SIN3A: variants seen among roughly 807,000 people sequenced by gnomAD.
SIN3A encodes SIN3 transcription regulator family member A.
In SIN3A, 14 loss-of-function variants were observed where a neutral mutation model predicts 146.1. That is an observed-to-expected ratio of 0.10 (90% CI 0.06 to 0.15). The LOEUF is 0.15. SIN3A is among the 10% of genes least tolerant of loss of function. The probability of loss-of-function intolerance (pLI) is 1.00; values close to 1 mark genes in which losing one functional copy is unlikely to be tolerated. For missense variants in SIN3A, 1,028 were observed against 1,576.0 expected (o/e 0.65, Z 5.89); for synonymous variants, 572 against 572.0 (o/e 1.00, Z 0.00).
chr15:75,443,354 T>G (rs935113957), intron 1 of SIN3A, among the ~76,000 whole-genome samples: 15 of 152,212 alleles, frequency 9.9e-5, no homozygotes, highest in Non-Finnish European at 2.1e-4. Flanking sequence ...TTCACCTAGA[T>G]TCTCCAAATG....
chr15:75,396,422 C>T lies in SIN3A; in HGVS notation c.1929G>A (p.Leu643=). The T allele has an allele frequency of 6.2e-7, 1 of 1,614,126 alleles. No individual in the cohort carries two copies. The highest frequency in any genetic ancestry group is 2.2e-5 in the East Asian group (1 of 44,888). Residue 643 remains leucine, a synonymous_variant, in exon 13 of 21, where the codon TTG becomes TTA. Transcript: ENST00000394947. ...LEAIQKKLSR[L]SAEEQAKFRL... ...GAAATTTGGCTTGTTCTTCAGCAGA[C>T]AAGCGGGAAAGCTTCTTCTGTATTG... is the stretch of plus-strand genomic sequence containing the variant.
intron 3 of SIN3A, among the ~76,000 whole-genome samples, chr15:75,417,583 T>C (rs1285957441): frequency 6.6e-6 from 1 of 152,104 alleles, no homozygotes; most frequent in Non-Finnish European, 1.5e-5. Flanking sequence ...TTCACCATGT[T>C]GGCCAGGCTG....
At chr15:75,380,763 C>T (rs1250243437) in intron 18 of SIN3A, 40 bp from the exon 19 acceptor site, 3 of 1,417,248 alleles carry the variant, frequency 2.1e-6, no homozygotes, top group Non-Finnish European at 3.0e-6. Flanking sequence ...AAGGAAATCA[C>T]AAAAACAGCT....
intron 9 of SIN3A, among the ~76,000 whole-genome samples, chr15:75,403,811 G>T (rs954800388): frequency 1.3e-5 from 2 of 152,160 alleles, no homozygotes; most frequent in African/African-American, 4.8e-5. Context: ...CTCTCAAAGT[G>T]CTGGGATTAC....
chr15:75,440,710 C>T (rs1282367031), intron 1 of SIN3A, among the ~76,000 whole-genome samples: 2 of 151,904 alleles, frequency 1.3e-5, no homozygotes, highest in Non-Finnish European at 2.9e-5. Context: ...GGGTCGGGCG[C>T]GGTGGCTCAT....
intron 1 of SIN3A, chr15:75,447,505 G>A (rs2074328792): frequency 6.6e-6 from 1 of 152,176 alleles, no homozygotes; most frequent in African/African-American, 2.4e-5. Context: ...TTGGATTTTA[G>A]AAAGGTAATA....
At chr15:75,413,227 T>G (rs1162773650) in intron 4 of SIN3A, among the ~76,000 whole-genome samples, 182 bp from the exon 5 acceptor site, 8 of 152,046 alleles carry the variant, frequency 5.3e-5, no homozygotes, top group Admixed American at 2.6e-4. Context: ...TTCAAGTGAT[T>G]CTCCTGCCTC....
chr15:75,383,633 A>G (rs1288946591), intron 17 of SIN3A, among the ~76,000 whole-genome samples: 2 of 150,830 alleles, frequency 1.3e-5, no homozygotes, highest in Non-Finnish European at 2.9e-5. Context: ...GGTTCACGCC[A>G]TTCTCCTGAC....
intron 9 of SIN3A, among the ~76,000 whole-genome samples, chr15:75,405,690 G>C (rs1323940271): frequency 2.6e-5 from 4 of 152,156 alleles, no homozygotes; most frequent in Non-Finnish European, 5.9e-5. Context: ...GGCGGAGGTT[G>C]CAGTGAGCCA....
intron 1 of SIN3A, among the ~76,000 whole-genome samples, chr15:75,447,456 G>A (rs1359079126): frequency 6.6e-6 from 1 of 152,178 alleles, no homozygotes; most frequent in African/African-American, 2.4e-5. Context: ...ATTAGTCTAT[G>A]GTAGAGGGAG....
chr15:75,378,376 C>T (rs937269757), intron 19 of SIN3A, among the ~76,000 whole-genome samples: 1 of 152,146 alleles, frequency 6.6e-6, no homozygotes, highest in Non-Finnish European at 1.5e-5. Flanking sequence ...ACCAGCCAGA[C>T]CAACATGGAG....
In SIN3A at chr15:75,384,477, A is replaced by G. The variant is rs748787949; in HGVS notation, c.3022-40T>C. 2.4e-5 allele frequency: 35 copies of G among 1,452,984 alleles called. 1 individual carries two copies. The South Asian group carries it at 4.3e-4, about 18-fold the overall frequency. The allele number at this position is 1,452,984 out of a possible 1,614,324, so 90.0% of individuals were successfully genotyped here. A position where few individuals can be genotyped will look rare whatever the true frequency, so the allele number is the denominator to read the frequency against. On this transcript the variant is annotated intron_variant, in intron 16 of 20. Coordinates refer to ENST00000394947, the MANE Select transcript of SIN3A (RefSeq NM_001145358.2). The stretch of plus-strand genomic sequence containing the variant: ...AGGCAAGCTTTTAGTGAACACAGAA[A>G]ACATTTCTCCATTATACAGTCAACG...
In SIN3A at chr15:75,400,697, C is replaced by T. The variant is rs763074003; in HGVS notation, c.1737+33G>A. 2.6e-6 allele frequency: 4 copies of T among 1,562,220 alleles called. No homozygotes were observed. The South Asian group carries it at 4.5e-5, about 18-fold the overall frequency. On this transcript the variant is annotated intron_variant, in intron 11 of 20. Transcript: ENST00000394947. ...ACTCCCTTCTGGAAAAAGCTGAGGA[C>T]CCAGGGCTGATCTTTGCTAGGGAAG...
chr15:75,431,201 T>C (rs945156165), intron 1 of SIN3A, among the ~76,000 whole-genome samples: 9 of 152,216 alleles, frequency 5.9e-5, no homozygotes, highest in Admixed American at 3.3e-4. Flanking sequence ...AAGACAAAGA[T>C]TCTAGACTTG....
intron 17 of SIN3A, among the ~76,000 whole-genome samples, chr15:75,382,172 A>G (rs965983779): frequency 6.6e-6 from 1 of 152,226 alleles, no homozygotes; most frequent in African/African-American, 2.4e-5. Context: ...TTTTACACAG[A>G]GACAAAACTG....
chr15:75,429,001 C>T (rs201963829), intron 2 of SIN3A, among the ~76,000 whole-genome samples: 2 of 152,152 alleles, frequency 1.3e-5, no homozygotes, highest in East Asian at 1.9e-4. Flanking sequence ...TATTTTGTTT[C>T]TTCTAGATTA....
At chr15:75,399,396 C>T (rs1401187553) in intron 12 of SIN3A, among the ~76,000 whole-genome samples, 11 of 151,986 alleles carry the variant, frequency 7.2e-5, no homozygotes, top group African/African-American at 2.2e-4. Flanking sequence ...GACGTGTTGG[C>T]GGGCGCCTGT....
intron 1 of SIN3A, among the ~76,000 whole-genome samples, chr15:75,433,179 A>G (rs757766981): frequency 6.6e-6 from 1 of 152,208 alleles, no homozygotes; most frequent in Non-Finnish European, 1.5e-5. Context: ...GAGGGCAAAA[A>G]ATAAAAACAA....
Position 75,372,120 on chromosome 15 carries a change from T to C in SIN3A, c.3681A>G (p.Ala1227=), listed in dbSNP as rs1475333025. Residue 1227 remains alanine (A), a synonymous_variant, in exon 21 of 21, where the codon GCA becomes GCG. Transcript: ENST00000394947. ...CCATGAGCCACTTGCTGGTCTCTGC[T>C]GCCATTTCACGGGGCACATGCTCCT... is the stretch of plus-strand genomic sequence containing the variant. ...WTKEHVPREM[A]AETSKWLMGE... The C allele has an allele frequency of 1.9e-6, 3 of 1,614,088 alleles. No homozygotes were observed. In the African/African-American group the frequency reaches 4.0e-5, roughly 22 times the overall value.
Sources: gnomAD v4.1 joint callset for allele counts (sites outside exome capture counted in the v4.1 genomes callset) on GRCh38, gnomAD v4.1.1 for gene constraint, MANE v1.5 for transcripts, NCBI Gene and HGNC (gene_info 2026-07-23, HGNC 2026-07-21) for gene names.